The following RGS6 variants were observed in gnomAD, a reference collection of about 807,000 sequenced individuals.
RGS6 encodes regulator of G-protein signaling 6.
Under a neutral mutation model 78.5 loss-of-function variants are expected in RGS6, and 30 were observed. The observed-to-expected ratio is 0.38, with a 90% CI of 0.29 to 0.52. The LOEUF is 0.52. Ranked by LOEUF, RGS6 falls within the 20% of genes least tolerant of loss-of-function variation. The pLI is 0.85. For missense variants in RGS6, 495 were observed against 609.7 expected, an observed-to-expected ratio of 0.81 and a Z score of 1.98; for synonymous variants, 206 against 206.0, an observed-to-expected ratio of 1.00 and a Z score of 0.00.
At chr14:72,231,523 T>C (rs931784821) in intron 2 of RGS6, among the ~76,000 whole-genome samples, 1 of 152,098 alleles carries the variant, frequency 6.6e-6, no homozygotes, top group Non-Finnish European at 1.5e-5. Flanking sequence ...ATTCTGTTGG[T>C]GGGAGGAGGT....
intron 1 of RGS6, among the ~76,000 whole-genome samples, chr14:71,938,527 C>A (rs1344177421): frequency 6.6e-6 from 1 of 152,178 alleles, no homozygotes; most frequent in South Asian, 2.1e-4. Flanking sequence ...TCTTCTCCTC[C>A]TCTGTCAACT....
intron 17 of RGS6, chr14:72,550,604 G>A: frequency 6.5e-7 from 1 of 1,534,456 alleles, no homozygotes; most frequent in Non-Finnish European, 8.7e-7. Context: ...TCTGATACGT[G>A]CTCTGTCCTG....
the RGS6 span, chr14:72,612,515 C>A: frequency 1.9e-6 from 1 of 518,556 alleles, no homozygotes; most frequent in African/African-American, 1.9e-5. Context: ...TTCCTATACG[C>A]CACTGTTGCT....
the RGS6 span, among the ~76,000 whole-genome samples, chr14:71,879,625 C>T: frequency 6.6e-6 from 1 of 152,146 alleles, no homozygotes; most frequent in Non-Finnish European, 1.5e-5. Flanking sequence ...TAAGGGGAAA[C>T]CCATTTCACT....
intron 2 of RGS6, among the ~76,000 whole-genome samples, chr14:72,284,565 C>T (rs1383824349): frequency 1.3e-5 from 2 of 152,236 alleles, no homozygotes; most frequent in African/African-American, 4.8e-5. Flanking sequence ...TATATGGAAA[C>T]TCCTGGATGT....
chr14:71,893,338 G>T, the RGS6 span, among the ~76,000 whole-genome samples: 1 of 152,176 alleles, frequency 6.6e-6, no homozygotes, highest in Non-Finnish European at 1.5e-5. Flanking sequence ...ACATAAACAG[G>T]ATATAAGGAT....
intron 2 of RGS6, among the ~76,000 whole-genome samples, chr14:72,153,480 TC>T (rs1246532983): frequency 6.6e-6 from 1 of 152,214 alleles, no homozygotes; most frequent in Non-Finnish European, 1.5e-5. Context: ...GTGAGATCCC[TC>T]ATTCTTCTCA....
intron 2 of RGS6, among the ~76,000 whole-genome samples, chr14:72,286,190 G>A (rs2062515012): frequency 6.6e-6 from 1 of 152,038 alleles, no homozygotes; most frequent in African/African-American, 2.4e-5. Context: ...ATTTTTATAT[G>A]GTATAAAGTA....
chr14:72,321,151 T>A (rs978786193), intron 2 of RGS6, among the ~76,000 whole-genome samples: 1 of 151,874 alleles, frequency 6.6e-6, no homozygotes, highest in Non-Finnish European at 1.5e-5. Context: ...AAGTAAAATG[T>A]CAGTGTTTCA....
chr14:72,518,608 C>G (rs2096985268), intron 15 of RGS6, 71 bp downstream of exon 15: 1 of 1,410,220 alleles, frequency 7.1e-7, no homozygotes, highest in Non-Finnish European at 9.9e-7. Flanking sequence ...CCTATTAACA[C>G]AAGTTCAAGG....
chr14:72,472,636 G>A (rs1007924384), intron 8 of RGS6, among the ~76,000 whole-genome samples: 1 of 152,034 alleles, frequency 6.6e-6, no homozygotes. Flanking sequence ...CACATGTATG[G>A]CAATCTGTAA....
chr14:71,875,414 T>C, the RGS6 span, among the ~76,000 whole-genome samples: 1 of 152,232 alleles, frequency 6.6e-6, no homozygotes, highest in Non-Finnish European at 1.5e-5. Context: ...TCTTCTAGAT[T>C]TTCTAGTTTA....
rs145757384 is a variant in RGS6 at position 72,185,462 on chromosome 14, G to C, written c.85-166633G>C. Among the ~76,000 whole-genome samples the C allele has an allele frequency of 2.8e-3, 423 of 152,244 alleles. 1 individual carries two copies. The highest frequency in any genetic ancestry group is 9.8e-3 in the African/African-American group (405 of 41,522). ...TACCCTCATAGAAAACTCTTGATGA[G>C]AGTAATGGTTATATCCAAGTCCTCT... is the stretch of plus-strand genomic sequence containing the variant. On this transcript the variant is annotated intron_variant, in intron 2 of 17. Coordinates refer to ENST00000553525, the MANE Select transcript of RGS6 (RefSeq NM_001204424.2).
chr14:72,041,044 G>C (rs1665802938), intron 2 of RGS6, among the ~76,000 whole-genome samples: 1 of 152,070 alleles, frequency 6.6e-6, no homozygotes, highest in Non-Finnish European at 1.5e-5. Flanking sequence ...TGGTTATTTT[G>C]AATCCTTTGT....
intron 3 of RGS6, among the ~76,000 whole-genome samples, chr14:72,443,310 T>G (rs958403496): frequency 6.6e-6 from 1 of 152,222 alleles, no homozygotes; most frequent in Admixed American, 6.5e-5. Context: ...ACCCGTAAGA[T>G]CTTTGCTCAA....
At chr14:71,919,156 G>T in the RGS6 span, among the ~76,000 whole-genome samples, 1 of 152,168 alleles carries the variant, frequency 6.6e-6, no homozygotes, top group Admixed American at 6.5e-5. Flanking sequence ...ACAGCTCCCA[G>T]CTTCCCCACG....
At chr14:72,476,943 A>C in intron 11 of RGS6, 103 bp downstream of exon 11, 1 of 1,011,714 alleles carries the variant, frequency 9.9e-7, no homozygotes, top group South Asian at 1.5e-5. Context: ...GAGTTCCTGG[A>C]AACCACAGTG....
chr14:72,301,297 A>T (rs1160360665), intron 2 of RGS6, among the ~76,000 whole-genome samples: 3 of 152,194 alleles, frequency 2.0e-5, no homozygotes, highest in Non-Finnish European at 4.4e-5. Flanking sequence ...TTCGTAGTGA[A>T]GTAAATGTGT....
intron 2 of RGS6, among the ~76,000 whole-genome samples, chr14:72,331,248 CA>C (rs55899915): frequency 0.41 from 52,498 of 128,488 alleles, 9,406 homozygotes; most frequent in Middle Eastern, 0.46. Context: ...CCCTGTCGTT[CA>C]AAAAAAAAAA....
Sources: gnomAD v4.1 joint callset for allele counts (sites outside exome capture counted in the v4.1 genomes callset) on GRCh38, gnomAD v4.1.1 for gene constraint, MANE v1.5 for transcripts, NCBI Gene and HGNC (gene_info 2026-07-23, HGNC 2026-07-21) for gene names.